MAPK10: variants seen among roughly 807,000 people sequenced by gnomAD.
The protein encoded by MAPK10 is JNK3 alpha protein kinase.
A neutral mutation model predicts 59.3 loss-of-function variants in MAPK10; 25 were observed. That is an observed-to-expected ratio of 0.42 (90% CI 0.31 to 0.59). MAPK10 has a LOEUF of 0.59. Among genes scored for constraint, MAPK10 ranks in the 20% least tolerant of loss-of-function variants. The pLI is 0.15. For missense variants in MAPK10, 351 were observed against 568.9 expected (o/e 0.62, Z 3.90); for synonymous variants, 190 against 200.5 (o/e 0.95, Z 0.44).
In MAPK10 at chr4:86,016,329, T is replaced by A. The variant is rs1169298507; in HGVS notation, c.*899A>T. The A allele has an allele frequency of 6.6e-6, 1 of 152,402 alleles. No homozygotes were observed. The highest frequency in any genetic ancestry group is 1.5e-5 in the Non-Finnish European group (1 of 68,060). The allele number at this position is 152,402 out of a possible 1,614,324, so 9.4% of individuals were successfully genotyped here. A position where few individuals can be genotyped will look rare whatever the true frequency, so the allele number is the denominator to read the frequency against. ...TCTTAGTCCACACCACACACTACCCTCCAGTCTCTCCTACTCTTTACTGTC... is the reference window on the plus strand; with the variant it reads ...TCTTAGTCCACACCACACACTACCCACCAGTCTCTCCTACTCTTTACTGTC... On this transcript the variant is annotated 3_prime_UTR_variant, in exon 14 of 14. Coordinates refer to ENST00000641462, the MANE Select transcript of MAPK10 (RefSeq NM_138982.4).
At chr4:86,437,007 TC>T (rs1748817266) in intron 1 of MAPK10, among the ~76,000 whole-genome samples, 1 of 151,978 alleles carries the variant, frequency 6.6e-6, no homozygotes, top group African/African-American at 2.4e-5. Flanking sequence ...GGTCAGGAGA[TC>T]GAGACCATCC....
rs752450269 is a variant in MAPK10, at chr4:86,421,991, G to A, written c.-122+31039C>T. Among the ~76,000 whole-genome samples the A allele has an allele frequency of 8.5e-4, 129 of 152,208 alleles. 1 individual carries two copies. Among genetic ancestry groups the A allele is most frequent in the African/African-American group, 2.9e-3 (121 of 41,520 alleles). ...TGCCGCCAGTCTCAAGGCCTTTCACGTGATTTCCCAAATACCAATTCCTCA... is the reference window on the plus strand; with the variant it reads ...TGCCGCCAGTCTCAAGGCCTTTCACATGATTTCCCAAATACCAATTCCTCA... On this transcript the variant is annotated intron_variant, in intron 1 of 13. Transcript: ENST00000361569.
At chr4:86,523,973 T>G (rs1564985862) in intron 1 of MAPK10, among the ~76,000 whole-genome samples, 1 of 152,162 alleles carries the variant, frequency 6.6e-6, no homozygotes, top group Non-Finnish European at 1.5e-5. Context: ...GGATCCTACA[T>G]GAACAGATTA....
chr4:86,328,685 G>T (rs2096079659), intron 2 of MAPK10, among the ~76,000 whole-genome samples: 1 of 152,198 alleles, frequency 6.6e-6, no homozygotes. Flanking sequence ...CAAAGGATGA[G>T]TTCATGTTCT....
At chr4:86,277,356 T>C (rs1335389209) in intron 2 of MAPK10, 1 of 152,172 alleles carries the variant, frequency 6.6e-6, no homozygotes, top group African/African-American at 2.4e-5. Flanking sequence ...TAAGGGTTTA[T>C]AGACATCATC....
At chr4:86,239,841 G>C (rs1034571635) in intron 2 of MAPK10, among the ~76,000 whole-genome samples, 1 of 146,316 alleles carries the variant, frequency 6.8e-6, no homozygotes, top group Non-Finnish European at 1.5e-5. Context: ...AGGGTTTTTT[G>C]TATCTCTTCT....
intron 1 of MAPK10, among the ~76,000 whole-genome samples, chr4:86,481,206 A>G (rs993472524): frequency 1.1e-4 from 17 of 152,190 alleles, no homozygotes; most frequent in African/African-American, 4.1e-4. Flanking sequence ...TCTATGGCTT[A>G]CCGTGGGGAA....
At chr4:86,429,690 C>G (rs1453308958) in intron 1 of MAPK10, 2 of 151,852 alleles carry the variant, frequency 1.3e-5, no homozygotes, top group African/African-American at 2.4e-5. Flanking sequence ...GTAGTCCCAG[C>G]CATTGGGAAG....
chr4:86,561,613 T>C (rs992365508), intron 1 of MAPK10, among the ~76,000 whole-genome samples: 4 of 152,342 alleles, frequency 2.6e-5, no homozygotes, highest in Admixed American at 6.5e-5. Context: ...GCTCTCTCTA[T>C]ATATATGAGG....
At chr4:86,486,711 G>A (rs888111250) in intron 1 of MAPK10, among the ~76,000 whole-genome samples, 1 of 152,158 alleles carries the variant, frequency 6.6e-6, no homozygotes, top group Non-Finnish European at 1.5e-5. Context: ...AAGTCCAGGG[G>A]GAAAAGTTAG....
intron 2 of MAPK10, among the ~76,000 whole-genome samples, chr4:86,282,888 T>C (rs2094865413): frequency 1.3e-5 from 2 of 152,148 alleles, no homozygotes; most frequent in South Asian, 2.1e-4. Context: ...TGCTTATCAT[T>C]AAGACACAAG....
intron 2 of MAPK10, among the ~76,000 whole-genome samples, chr4:86,275,856 CTTTA>C (rs544570153): frequency 2.6e-5 from 4 of 152,120 alleles, no homozygotes; most frequent in Non-Finnish European, 5.9e-5. Flanking sequence ...GTTTCTAGCA[CTTTA>C]TTTATATTTG....
At chr4:86,531,475 A>C (rs1757848103) in intron 1 of MAPK10, among the ~76,000 whole-genome samples, 1 of 152,182 alleles carries the variant, frequency 6.6e-6, no homozygotes, top group Non-Finnish European at 1.5e-5. Flanking sequence ...TTGTCAGTGA[A>C]GAATAAAGAA....
intron 2 of MAPK10, among the ~76,000 whole-genome samples, chr4:86,350,571 A>T (rs1028134503): frequency 6.6e-6 from 1 of 151,788 alleles, no homozygotes; most frequent in African/African-American, 2.4e-5. Flanking sequence ...CTGGTCTCAA[A>T]CTCCTGACCT....
At chr4:86,092,679 A>C (rs1256937536) in intron 9 of MAPK10, among the ~76,000 whole-genome samples, 2 of 152,044 alleles carry the variant, frequency 1.3e-5, no homozygotes. Flanking sequence ...TGAAATTGTC[A>C]GGTATTACAA....
At chr4:86,222,842 A>C (rs2089931479) in intron 2 of MAPK10, among the ~76,000 whole-genome samples, 1 of 152,202 alleles carries the variant, frequency 6.6e-6, no homozygotes, top group Non-Finnish European at 1.5e-5. Context: ...GAGCAGAGGA[A>C]TTTCATCATG....
intron 1 of MAPK10, among the ~76,000 whole-genome samples, chr4:86,373,990 G>A (rs1260543948): frequency 1.3e-5 from 2 of 152,092 alleles, no homozygotes; most frequent in African/African-American, 4.8e-5. Flanking sequence ...CAACAGCAAA[G>A]ACTTGGAACC....
chr4:86,467,499 C>T (rs1752305724), intron 1 of MAPK10, among the ~76,000 whole-genome samples: 1 of 149,000 alleles, frequency 6.7e-6, no homozygotes, highest in South Asian at 2.1e-4. Context: ...CCCTGTTATC[C>T]TGGAAAACAG....
chr4:86,531,088 C>G (rs1757818880), intron 1 of MAPK10, among the ~76,000 whole-genome samples: 1 of 152,146 alleles, frequency 6.6e-6, no homozygotes, highest in Admixed American at 6.5e-5. Context: ...TGGCACATCC[C>G]TTTTCATCAT....
Sources: allele counts gnomAD v4.1 joint callset (sites outside exome capture counted in the v4.1 genomes callset), GRCh38; gene constraint gnomAD v4.1.1; transcripts MANE v1.5; gene names NCBI Gene and HGNC (gene_info 2026-07-23, HGNC 2026-07-21).